The following SRPK1 variants were observed in gnomAD, a reference collection of about 807,000 sequenced individuals.
SRPK1 encodes the protein SFRS protein kinase 1.
A neutral mutation model predicts 89.5 loss-of-function variants in SRPK1; 52 were observed. The observed-to-expected ratio is 0.58, with a 90% CI of 0.46 to 0.73. SRPK1 has a LOEUF of 0.73. Among genes scored for constraint, SRPK1 ranks in the 30% least tolerant of loss-of-function variants. The pLI is 0.00. For synonymous variants in SRPK1, 255 were observed against 270.2 expected, an observed-to-expected ratio of 0.94 and a Z score of 0.55; for missense variants, 603 against 780.6, an observed-to-expected ratio of 0.77 and a Z score of 2.71.
In SRPK1 at chr6:35,872,667, G is replaced by C; in HGVS notation, c.647C>G (p.Pro216Arg). 2 of 1,611,756 alleles carry C rather than the reference G, an allele frequency of 1.2e-6. No homozygotes were observed. Among genetic ancestry groups the C allele is most frequent in the Non-Finnish European group, 1.7e-6 (2 of 1,178,916 alleles). ...KCRIIHTDIKPENILLSVNEQ... is the reference protein window; with the variant it reads ...KCRIIHTDIKRENILLSVNEQ... ...ATTCACTGACAATAAGATGTTCTCT[G>C]GTTTAATGTCAGTGTGGATGATACG... Residue 216 changes from proline to arginine, a missense_variant, in exon 8 of 16, where the codon CCA becomes CGA. By Grantham distance (103) the Pro-to-Arg change is moderately radical. Transcript: ENST00000373825.
chr6:35,860,792 A>G (rs969921166), intron 12 of SRPK1, among the ~76,000 whole-genome samples: 1 of 152,066 alleles, frequency 6.6e-6, no homozygotes, highest in Non-Finnish European at 1.5e-5. Context: ...GTGAGCAAAT[A>G]CCTGAGTGAA....
chr6:35,902,988 G>A (rs1380981105), intron 2 of SRPK1, among the ~76,000 whole-genome samples: 1 of 152,032 alleles, frequency 6.6e-6, no homozygotes, highest in East Asian at 1.9e-4. Context: ...AATAATTAAA[G>A]GCAAAGTGGG....
At chr6:35,885,292 C>CAGAGAG (rs1237408705) in intron 6 of SRPK1, among the ~76,000 whole-genome samples, 1 of 135,228 alleles carries the variant, frequency 7.4e-6, no homozygotes, top group African/African-American at 2.8e-5. Flanking sequence ...CACACACACA[C>CAGAGAG]ACACACAGAG....
intron 13 of SRPK1, among the ~76,000 whole-genome samples, chr6:35,851,802 G>T (rs952050046): frequency 6.6e-6 from 1 of 152,186 alleles, no homozygotes; most frequent in African/African-American, 2.4e-5. Context: ...CAGGAAGAGA[G>T]GAGGGCCAAG....
chr6:35,870,200 T>C (rs1770000476), intron 10 of SRPK1, 81 bp downstream of exon 10: 1 of 1,267,688 alleles, frequency 7.9e-7, no homozygotes. Flanking sequence ...GTTGTATGTA[T>C]GAAACCACTG....
intron 6 of SRPK1, among the ~76,000 whole-genome samples, chr6:35,880,719 C>CA (rs1364287123): frequency 2.2e-3 from 9 of 4,042 alleles, no homozygotes; most frequent in Non-Finnish European, 3.2e-3. Context: ...GACTCCATCT[C>CA]AAAAAAAAAA....
At chr6:35,850,162 C>T (rs1404292515) in intron 13 of SRPK1, among the ~76,000 whole-genome samples, 1 of 152,074 alleles carries the variant, frequency 6.6e-6, no homozygotes, top group African/African-American at 2.4e-5. Flanking sequence ...CTGACGAGTA[C>T]ATTCGTACCT....
At chr6:35,888,760 C>T (rs911943674) in intron 4 of SRPK1, 55 bp downstream of exon 4, 25 of 1,161,450 alleles carry the variant, frequency 2.2e-5, no homozygotes, top group Non-Finnish European at 3.2e-5. Flanking sequence ...GAAACTCAGA[C>T]AAACACATTT....
chr6:35,845,312 C>G (rs1490299687), intron 13 of SRPK1, among the ~76,000 whole-genome samples: 1 of 152,174 alleles, frequency 6.6e-6, no homozygotes, highest in Non-Finnish European at 1.5e-5. Context: ...ATGTATCACT[C>G]TGGAGCAGCA....
At chr6:35,920,643 G>T in intron 1 of SRPK1, 115 bp from the exon 2 acceptor site, 1 of 823,630 alleles carries the variant, frequency 1.2e-6, no homozygotes, top group Non-Finnish European at 1.6e-6. Context: ...CTCGGGGGCG[G>T]CTGCGGGCTC....
At chr6:35,866,872 G>A (rs1258410012) in intron 12 of SRPK1, among the ~76,000 whole-genome samples, 1 of 151,786 alleles carries the variant, frequency 6.6e-6, no homozygotes, top group East Asian at 1.9e-4. Flanking sequence ...CAGCAACATG[G>A]ATGGAACTGG....
intron 3 of SRPK1, among the ~76,000 whole-genome samples, chr6:35,890,377 C>T (rs543534143): frequency 6.6e-5 from 10 of 152,330 alleles, no homozygotes; most frequent in African/African-American, 2.4e-4. Context: ...ATAAGAAGGA[C>T]CACATTCTTC....
intron 1 of SRPK1, 49 bp downstream of exon 1, chr6:35,920,995 C>T: frequency 6.6e-7 from 1 of 1,525,782 alleles, no homozygotes; most frequent in Non-Finnish European, 8.8e-7. Flanking sequence ...ACCCGGGCCT[C>T]GCCCCGGCGA....
chr6:35,841,534 T>C (rs1769306261), intron 14 of SRPK1, among the ~76,000 whole-genome samples: 1 of 152,166 alleles, frequency 6.6e-6, no homozygotes, highest in East Asian at 1.9e-4. Flanking sequence ...CTGCCTCAAC[T>C]GTATAAAACA....
chr6:35,908,620 A>G (rs1770897971), intron 2 of SRPK1, among the ~76,000 whole-genome samples: 1 of 152,260 alleles, frequency 6.6e-6, no homozygotes. Context: ...CTTATGTTTA[A>G]AAGTGAAACA....
chr6:35,852,434 A>G (rs971063055), intron 13 of SRPK1, among the ~76,000 whole-genome samples: 26 of 152,212 alleles, frequency 1.7e-4, no homozygotes, highest in African/African-American at 5.5e-4. Context: ...GGCAGCAAAA[A>G]CAAGTAAACA....
In SRPK1 at chr6:35,915,995, T is replaced by TACAC. The variant is rs1353733748; in HGVS notation, c.74+4472_74+4473insGTGT. ...TCAAAAACAAAAAAAAAAAAAAATATATACACACACACACACACACACACA... is the reference window on the plus strand; with the variant it reads ...TCAAAAACAAAAAAAAAAAAAAATATACACATACACACACACACACACACACACA... On this transcript the variant is annotated intron_variant, in intron 2 of 15. Transcript: ENST00000373825. Among the ~76,000 whole-genome samples, 420 of 54,588 alleles carry TACAC rather than the reference T, an allele frequency of 7.7e-3. 3 individuals carry two copies. Among genetic ancestry groups the TACAC allele is most frequent in the Non-Finnish European group, 0.011 (343 of 30,606 alleles). 35.8% of individuals were successfully genotyped at this position (54,588 alleles called of 152,430 possible). A position where few individuals can be genotyped will look rare whatever the true frequency, so the allele number is the denominator to read the frequency against.
intron 2 of SRPK1, among the ~76,000 whole-genome samples, chr6:35,914,861 C>T (rs1490752824): frequency 6.6e-6 from 1 of 151,716 alleles, no homozygotes; most frequent in African/African-American, 2.4e-5. Flanking sequence ...TGCAGTGGTA[C>T]GATGTTGGCT....
intron 4 of SRPK1, 41 bp from the exon 5 acceptor site, chr6:35,888,152 C>A (rs751464135): frequency 1.5e-6 from 2 of 1,361,258 alleles, no homozygotes; most frequent in African/African-American, 2.9e-5. Context: ...CATAGCCTAC[C>A]CTTACTTTAG....
Sources: allele counts gnomAD v4.1 joint callset (sites outside exome capture counted in the v4.1 genomes callset), GRCh38; gene constraint gnomAD v4.1.1; transcripts MANE v1.5; gene names NCBI Gene and HGNC (gene_info 2026-07-23, HGNC 2026-07-21).